The following EDA variants were observed in gnomAD, a reference collection of about 807,000 sequenced individuals.
EDA encodes the protein ectodysplasin-A.
In EDA, 2 loss-of-function variants were observed where a neutral mutation model predicts 23.6. That is an observed-to-expected ratio of 0.08 (90% CI 0.03 to 0.27). The LOEUF is 0.27. Ranked by LOEUF, EDA falls within the 10% of genes least tolerant of loss-of-function variation. EDA has a pLI of 1.00. For synonymous variants in EDA, 131 were observed against 132.0 expected, an observed-to-expected ratio of 0.99 and a Z score of 0.05; for missense variants, 229 against 324.2, an observed-to-expected ratio of 0.71 and a Z score of 2.26.
chrX:69,735,084 C>T (rs750130281), intron 1 of EDA, among the ~76,000 whole-genome samples: 5 of 111,295 alleles, frequency 4.5e-5, no homozygotes, highest in Non-Finnish European at 7.5e-5. Flanking sequence ...ATGTTCATAC[C>T]GGCATTATTT....
intron 1 of EDA, among the ~76,000 whole-genome samples, chrX:69,913,959 G>A (rs2018305183): frequency 1.8e-5 from 2 of 111,698 alleles, no homozygotes; most frequent in African/African-American, 6.5e-5. Context: ...TTTTAATTAA[G>A]TTTTCTCTCT....
At chrX:69,971,105 A>G (rs1347531623) in intron 2 of EDA, among the ~76,000 whole-genome samples, 2 of 111,933 alleles carry the variant, frequency 1.8e-5, no homozygotes, top group Admixed American at 9.5e-5. Context: ...CCTTAACAAT[A>G]TTATTTATGA....
intron 1 of EDA, among the ~76,000 whole-genome samples, chrX:69,804,005 G>A (rs1166749485): frequency 9.0e-6 from 1 of 110,503 alleles, no homozygotes; most frequent in Non-Finnish European, 1.9e-5. Context: ...CTTTTTTATG[G>A]ATGAGTAGTA....
At chrX:69,701,564 A>G (rs144643756) in intron 1 of EDA, among the ~76,000 whole-genome samples, 1,904 of 111,587 alleles carry the variant, frequency 0.017, 18 homozygotes, top group Non-Finnish European at 0.029. Flanking sequence ...GGCAAAATTA[A>G]GAAGGTCTTG....
At chrX:69,884,465 A>C (rs1255626854) in intron 1 of EDA, among the ~76,000 whole-genome samples, 3 of 112,439 alleles carry the variant, frequency 2.7e-5, no homozygotes, top group African/African-American at 9.7e-5. Flanking sequence ...ATGGATGATT[A>C]TGTAAGTGAA....
chrX:69,738,716 C>A (rs2013351563), intron 1 of EDA, among the ~76,000 whole-genome samples: 1 of 109,136 alleles, frequency 9.2e-6, no homozygotes, highest in Non-Finnish European at 1.9e-5. Flanking sequence ...AAAATATTTT[C>A]TAATTTCCAG....
At chrX:69,768,350 T>TA (rs2014531313) in intron 1 of EDA, among the ~76,000 whole-genome samples, 1 of 112,218 alleles carries the variant, frequency 8.9e-6, no homozygotes, top group Admixed American at 9.5e-5. Flanking sequence ...CCATGATCCA[T>TA]ATTGACTTAA....
intron 1 of EDA, among the ~76,000 whole-genome samples, chrX:69,857,663 A>G (rs757354810): frequency 1.8e-5 from 2 of 111,303 alleles, no homozygotes; most frequent in African/African-American, 6.5e-5. Flanking sequence ...CACAATATTG[A>G]TTATATCTAT....
intron 1 of EDA, among the ~76,000 whole-genome samples, chrX:69,804,133 T>C (rs1470998163): frequency 9.0e-6 from 1 of 111,200 alleles, no homozygotes. Context: ...GGGGTGCAGA[T>C]GTCTTTCTGA....
At chrX:69,981,248 A>G (rs190979297) in intron 2 of EDA, among the ~76,000 whole-genome samples, 3 of 111,568 alleles carry the variant, frequency 2.7e-5, no homozygotes, top group East Asian at 2.8e-4. Context: ...CAGTATCACT[A>G]TGGTATGACT....
intron 1 of EDA, chrX:69,617,863 G>C: frequency 7.5e-6 from 2 of 265,990 alleles, no homozygotes; most frequent in Non-Finnish European, 1.4e-5. Context: ...CCCATCTAAA[G>C]TGGTACGCTT....
At chrX:69,627,181 A>G (rs997434664) in intron 1 of EDA, among the ~76,000 whole-genome samples, 2 of 111,632 alleles carry the variant, frequency 1.8e-5, no homozygotes, top group African/African-American at 3.3e-5. Context: ...CTCAGGGTGC[A>G]TGTGGGACCC....
chrX:69,907,400 C>T (rs1335929356), intron 1 of EDA, among the ~76,000 whole-genome samples: 1 of 111,203 alleles, frequency 9.0e-6, no homozygotes, highest in Non-Finnish European at 1.9e-5. Flanking sequence ...TATAGAGAAG[C>T]ATATGTATTT....
chrX:69,735,208 T>A (rs772250881), intron 1 of EDA, among the ~76,000 whole-genome samples: 1 of 60,194 alleles, frequency 1.7e-5, no homozygotes, highest in African/African-American at 4.2e-5. Flanking sequence ...GAATATTTTG[T>A]ATGTGTATAT....
intron 2 of EDA, among the ~76,000 whole-genome samples, chrX:69,990,448 A>ATCTACTGATT (rs1569395530): frequency 1.3e-4 from 14 of 111,159 alleles, no homozygotes; most frequent in African/African-American, 4.6e-4. Context: ...ACTGATAGCT[A>ATCTACTGATT]GACCAGTTCC....
chrX:69,884,438 T>C (rs2017796684), intron 1 of EDA, among the ~76,000 whole-genome samples: 1 of 112,240 alleles, frequency 8.9e-6, no homozygotes, highest in Admixed American at 9.5e-5. Flanking sequence ...TAAAAACCAA[T>C]GAATGATAGA....
At chrX:69,871,984 G>A (rs767203559) in intron 1 of EDA, among the ~76,000 whole-genome samples, 4 of 111,612 alleles carry the variant, frequency 3.6e-5, no homozygotes, top group Non-Finnish European at 7.5e-5. Context: ...AGGAATCTTA[G>A]GAGCTGTGAG....
intron 1 of EDA, among the ~76,000 whole-genome samples, chrX:69,741,153 G>T (rs1043111437): frequency 1.5e-4 from 17 of 110,190 alleles, no homozygotes; most frequent in African/African-American, 5.6e-4. Context: ...TATAATACTT[G>T]CCTTGAAGAC....
chrX:69,975,327 A>C (rs971465400), intron 2 of EDA, among the ~76,000 whole-genome samples: 2 of 111,737 alleles, frequency 1.8e-5, no homozygotes, highest in Non-Finnish European at 1.9e-5. Context: ...ACATGGATAC[A>C]GCTGGAGGCC....
Sources: gnomAD v4.1 joint callset for allele counts (sites outside exome capture counted in the v4.1 genomes callset) on GRCh38, gnomAD v4.1.1 for gene constraint, MANE v1.5 for transcripts, NCBI Gene and HGNC (gene_info 2026-07-23, HGNC 2026-07-21) for gene names.